ATL1: variants seen among roughly 807,000 people sequenced by gnomAD.
ATL1 encodes atlastin-1.
Under a neutral mutation model 75.5 loss-of-function variants are expected in ATL1, and 31 were observed. The observed-to-expected ratio is 0.41, with a 90% confidence interval of 0.31 to 0.55. The LOEUF is 0.55. Ranked by LOEUF, ATL1 falls within the 20% of genes least tolerant of loss-of-function variation. The pLI is 0.27. For synonymous variants in ATL1, 226 were observed against 233.3 expected, an observed-to-expected ratio of 0.97 and a Z score of 0.28; for missense variants, 405 against 662.6, an observed-to-expected ratio of 0.61 and a Z score of 4.27.
intron 4 of ATL1, among the ~76,000 whole-genome samples, chr14:50,592,784 G>A (rs369378828): frequency 1.3e-4 from 20 of 150,874 alleles, no homozygotes; most frequent in South Asian, 2.1e-4. Flanking sequence ...GGTGGCAGGC[G>A]CCTGTAGTCC....
At chr14:50,574,908 A>AGTGT (rs35304376) in intron 1 of ATL1, among the ~76,000 whole-genome samples, 64 of 52,286 alleles carry the variant, frequency 1.2e-3, no homozygotes, top group Non-Finnish European at 1.5e-3. Flanking sequence ...TTCAATACTG[A>AGTGT]GTGTGTGTGT....
chr14:50,577,858 T>G (rs962107381), intron 1 of ATL1, among the ~76,000 whole-genome samples: 1 of 152,208 alleles, frequency 6.6e-6, no homozygotes, highest in Non-Finnish European at 1.5e-5. Context: ...TGCTGAATAA[T>G]ATTTCATTGT....
At chr14:50,543,770 T>C (rs982129299) in intron 1 of ATL1, among the ~76,000 whole-genome samples, 20 of 152,242 alleles carry the variant, frequency 1.3e-4, no homozygotes, top group Admixed American at 5.2e-4. Flanking sequence ...GGAGTGGCTC[T>C]TCTATTATTC....
chr14:50,625,775 A>G (rs926659912), intron 11 of ATL1, among the ~76,000 whole-genome samples: 9 of 151,980 alleles, frequency 5.9e-5, no homozygotes, highest in African/African-American at 2.2e-4. Context: ...CCGGGCGCAG[A>G]GGCGGGCACC....
chr14:50,539,428 A>G (rs1566704586), intron 1 of ATL1, among the ~76,000 whole-genome samples: 1 of 152,258 alleles, frequency 6.6e-6, no homozygotes, highest in Non-Finnish European at 1.5e-5. Flanking sequence ...CTTCCTTGAC[A>G]GCTTTGAAGA....
At chr14:50,630,985 G>A (rs776824176) in intron 13 of ATL1, 34 of 454,928 alleles carry the variant, frequency 7.5e-5, no homozygotes, top group Non-Finnish European at 1.1e-4. Context: ...AAGGCCAGGC[G>A]CGGTGGCTCA....
chr14:50,564,647 CAAAAAAAA>C (rs60054322), intron 1 of ATL1, among the ~76,000 whole-genome samples: 8 of 40,004 alleles, frequency 2.0e-4, no homozygotes, highest in East Asian at 1.5e-3. Flanking sequence ...GATTCCGTCT[CAAAAAAAA>C]AAAAAAAAAA....
intron 8 of ATL1, among the ~76,000 whole-genome samples, chr14:50,617,136 C>T (rs1413002066): frequency 6.6e-6 from 1 of 152,092 alleles, no homozygotes; most frequent in Non-Finnish European, 1.5e-5. Flanking sequence ...TGTTCATGGT[C>T]CCTCAAAGTA....
chr14:50,560,329 T>C, intron 1 of ATL1, 30 bp downstream of exon 1: 2 of 1,612,374 alleles, frequency 1.2e-6, no homozygotes, highest in Non-Finnish European at 1.7e-6. Context: ...TTCTGCAGCC[T>C]GCACGGGGTC....
intron 1 of ATL1, among the ~76,000 whole-genome samples, chr14:50,534,476 C>T (rs990672847): frequency 4.6e-5 from 7 of 152,158 alleles, no homozygotes; most frequent in East Asian, 3.8e-4. Flanking sequence ...CAGTTTGAGA[C>T]GAGGACAAAT....
At chr14:50,593,958 T>C (rs1356604232) in intron 5 of ATL1, 62 bp downstream of exon 5, 2 of 1,226,894 alleles carry the variant, frequency 1.6e-6, no homozygotes, top group African/African-American at 3.0e-5. Flanking sequence ...ATAGCAGAAC[T>C]TTGGGGAATG....
At chr14:50,572,109 T>C (rs2038960130) in intron 1 of ATL1, 1 of 478,376 alleles carries the variant, frequency 2.1e-6, no homozygotes, top group Admixed American at 2.4e-5. Context: ...GTCCATAAAT[T>C]TTTTTAAATC....
intron 8 of ATL1, among the ~76,000 whole-genome samples, chr14:50,618,562 G>C (rs1192327679): frequency 1.3e-5 from 2 of 152,144 alleles, no homozygotes; most frequent in Non-Finnish European, 2.9e-5. Context: ...CATCATGCTT[G>C]TGTGTGTTAT....
At chr14:50,595,695 T>TATTA (rs2039209564) in intron 6 of ATL1, 63 bp downstream of exon 6, 1 of 1,431,890 alleles carries the variant, frequency 7.0e-7, no homozygotes, top group South Asian at 1.1e-5. Flanking sequence ...TAACCAGGTA[T>TATTA]ATTAATTAGG....
chr14:50,544,754 T>C (rs2038606598), intron 1 of ATL1, among the ~76,000 whole-genome samples: 1 of 151,704 alleles, frequency 6.6e-6, no homozygotes, highest in African/African-American at 2.4e-5. Flanking sequence ...GGGAACATAG[T>C]GAGAACTCAT....
intron 1 of ATL1, among the ~76,000 whole-genome samples, chr14:50,553,408 C>T (rs2038726874): frequency 6.6e-6 from 1 of 151,778 alleles, no homozygotes; most frequent in South Asian, 2.1e-4. Flanking sequence ...GAGATACAAC[C>T]TCATTCCTGC....
intron 8 of ATL1, among the ~76,000 whole-genome samples, chr14:50,616,131 C>A (rs990424522): frequency 1.3e-5 from 2 of 151,846 alleles, no homozygotes; most frequent in African/African-American, 4.8e-5. Context: ...GTAGCTAGGA[C>A]TAAAGGCACG....
At chr14:50,616,898 C>T (rs553136009) in intron 8 of ATL1, among the ~76,000 whole-genome samples, 54 of 152,282 alleles carry the variant, frequency 3.5e-4, no homozygotes, top group Non-Finnish European at 6.5e-4. Flanking sequence ...TTCTGTCCCA[C>T]GCTGAATCTT....
In ATL1 at chr14:50,593,904, T is replaced by A. The variant is rs1443279190; in HGVS notation, c.573+8T>A. On this transcript the variant is annotated splice_region_variant and intron_variant, in intron 5 of 13. Coordinates refer to ENST00000358385, the MANE Select transcript of ATL1 (RefSeq NM_015915.5). ...GATCTTCAGCACCTCCAGGTAACAA[T>A]ATTTATTTTCTTTTTTGTGTATCTG... 1 of 1,601,200 alleles carries A rather than the reference T, an allele frequency of 6.2e-7. No individual in the cohort carries two copies. The highest frequency in any genetic ancestry group is 1.3e-5 in the African/African-American group (1 of 74,652).
Sources: gnomAD v4.1 joint callset for allele counts (sites outside exome capture counted in the v4.1 genomes callset) on GRCh38, gnomAD v4.1.1 for gene constraint, MANE v1.5 for transcripts, NCBI Gene and HGNC (gene_info 2026-07-23, HGNC 2026-07-21) for gene names.